AFF3: variants seen among roughly 807,000 people sequenced by gnomAD.
AFF3 encodes AF4/FMR2 family member 3.
A neutral mutation model predicts 129.7 loss-of-function variants in AFF3; 32 were observed. The observed-to-expected ratio is 0.25, with a 90% CI of 0.19 to 0.33. The LOEUF is 0.33. Among genes scored for constraint, AFF3 ranks in the 10% least tolerant of loss-of-function variants. The probability of loss-of-function intolerance (pLI) is 1.00; values close to 1 mark genes in which losing one functional copy is unlikely to be tolerated. For missense variants in AFF3, 1,373 were observed against 1,592.0 expected (o/e 0.86, Z 2.34); for synonymous variants, 644 against 635.4 (o/e 1.01, Z -0.20).
At chr2:99,865,363 G>A (rs1691314186) in intron 7 of AFF3, among the ~76,000 whole-genome samples, 1 of 152,228 alleles carries the variant, frequency 6.6e-6, no homozygotes, top group Non-Finnish European at 1.5e-5. Flanking sequence ...AGGCTCTAGA[G>A]ACAGAGAGTG....
chr2:99,737,800 C>T (rs751630892), intron 10 of AFF3, among the ~76,000 whole-genome samples: 5 of 151,944 alleles, frequency 3.3e-5, no homozygotes, highest in Non-Finnish European at 7.4e-5. Context: ...GACTTCCCCA[C>T]TTTATCTCCA....
At chr2:99,712,643 G>A (rs555415505) in intron 11 of AFF3, among the ~76,000 whole-genome samples, 6 of 152,326 alleles carry the variant, frequency 3.9e-5, no homozygotes, top group African/African-American at 1.2e-4. Flanking sequence ...TGATCTTTGC[G>A]ACACTTTTGC....
intron 7 of AFF3, among the ~76,000 whole-genome samples, chr2:99,839,899 C>T (rs1450133495): frequency 6.6e-6 from 1 of 152,168 alleles, no homozygotes; most frequent in Non-Finnish European, 1.5e-5. Flanking sequence ...CGTGAGCCAC[C>T]AGATCTGCAT....
chr2:99,914,486 A>C (rs1305321575), intron 7 of AFF3, among the ~76,000 whole-genome samples: 1 of 152,214 alleles, frequency 6.6e-6, no homozygotes, highest in Non-Finnish European at 1.5e-5. Context: ...CATTAGGACA[A>C]CGTGAGAAAT....
At chr2:100,137,367 C>T (rs1692677801) in intron 1 of AFF3, among the ~76,000 whole-genome samples, 1 of 152,184 alleles carries the variant, frequency 6.6e-6, no homozygotes, top group Non-Finnish European at 1.5e-5. Context: ...GACCATATGT[C>T]CTTTGATCTT....
chr2:99,652,923 G>T (rs942666025), intron 12 of AFF3, among the ~76,000 whole-genome samples: 5 of 152,304 alleles, frequency 3.3e-5, no homozygotes, highest in African/African-American at 9.6e-5. Flanking sequence ...TGAGGGAGCA[G>T]CGAGAGGCAG....
chr2:99,652,969 C>T (rs932088917), intron 12 of AFF3, among the ~76,000 whole-genome samples: 4 of 152,158 alleles, frequency 2.6e-5, no homozygotes, highest in Non-Finnish European at 5.9e-5. Flanking sequence ...CCCACGCAGA[C>T]ACCTCCAGGG....
intron 11 of AFF3, among the ~76,000 whole-genome samples, chr2:99,691,563 A>AT (rs1553431724): frequency 9.1e-6 from 1 of 110,298 alleles, no homozygotes; most frequent in Non-Finnish European, 2.0e-5. Flanking sequence ...AACCTAGAGA[A>AT]TTTTTTAGAG....
chr2:99,725,150 T>G (rs1679262779), intron 11 of AFF3, among the ~76,000 whole-genome samples: 1 of 151,734 alleles, frequency 6.6e-6, no homozygotes, highest in Non-Finnish European at 1.5e-5. Context: ...TTTTTTTGTA[T>G]TTTTGGTAGA....
intron 18 of AFF3, among the ~76,000 whole-genome samples, chr2:99,571,576 T>C (rs1676481061): frequency 6.6e-6 from 1 of 152,210 alleles, no homozygotes; most frequent in Non-Finnish European, 1.5e-5. Flanking sequence ...TCTGACCGTA[T>C]CAGAGCAGCT....
At chr2:99,639,168 T>C (rs1683953023) in intron 13 of AFF3, among the ~76,000 whole-genome samples, 1 of 152,224 alleles carries the variant, frequency 6.6e-6, no homozygotes, top group Non-Finnish European at 1.5e-5. Flanking sequence ...GCTCTCTTCT[T>C]CTATTGTGTA....
At chr2:100,076,442 A>G (rs764062880) in intron 4 of AFF3, among the ~76,000 whole-genome samples, 21 of 152,200 alleles carry the variant, frequency 1.4e-4, no homozygotes, top group Non-Finnish European at 2.9e-4. Flanking sequence ...TCACCCCAAC[A>G]TGGAAGGCAA....
chr2:99,783,956 G>T (rs1034534749), intron 8 of AFF3, among the ~76,000 whole-genome samples: 3 of 152,182 alleles, frequency 2.0e-5, no homozygotes, highest in African/African-American at 4.8e-5. Context: ...ATTGCCCGTT[G>T]CAAGTACTTT....
At chr2:99,599,060 A>C (rs3828315) in intron 14 of AFF3, among the ~76,000 whole-genome samples, 54,370 of 151,986 alleles carry the variant, frequency 0.36, 9,674 homozygotes, top group African/African-American at 0.38. Flanking sequence ...CACACATAGC[A>C]TCAGGTGACT....
In AFF3 at chr2:100,008,753, G is replaced by A. The variant is rs551780174; in HGVS notation, c.174+59C>T. 2.2e-4 allele frequency: 347 copies of A among 1,582,116 alleles called. No homozygotes were observed. The African/African-American group carries it at 3.2e-3, about 15-fold the overall frequency. On this transcript the variant is annotated intron_variant, in intron 5 of 24. Coordinates refer to ENST00000672756, the MANE Select transcript of AFF3 (RefSeq NM_001386135.1). ...GCCAATTCTTTTAGTCAAGGCCACC[G>A]TCACAGGGAGTGAGAGAAACAAGTG...
intron 4 of AFF3, among the ~76,000 whole-genome samples, chr2:100,077,469 T>C (rs967323341): frequency 2.0e-5 from 3 of 152,032 alleles, no homozygotes; most frequent in Admixed American, 2.0e-4. Flanking sequence ...CCCTAGATCC[T>C]CCAGAAGGAG....
chr2:99,937,130 T>C (rs1674594050), intron 7 of AFF3, among the ~76,000 whole-genome samples: 1 of 152,174 alleles, frequency 6.6e-6, no homozygotes, highest in Non-Finnish European at 1.5e-5. Context: ...CATTATAGAA[T>C]ACCGGTTGAG....
chr2:99,933,885 A>C (rs1674278637), intron 7 of AFF3, among the ~76,000 whole-genome samples: 1 of 152,154 alleles, frequency 6.6e-6, no homozygotes, highest in South Asian at 2.1e-4. Context: ...GTCCGGAGGT[A>C]GTTAAAAAGG....
intron 13 of AFF3, among the ~76,000 whole-genome samples, chr2:99,611,902 T>G: frequency 7.1e-6 from 1 of 140,822 alleles, no homozygotes; most frequent in South Asian, 2.4e-4. Flanking sequence ...AAAAAAAATT[T>G]ATTCTTGCTA....
Sources: gnomAD v4.1 joint callset for allele counts (sites outside exome capture counted in the v4.1 genomes callset) on GRCh38, gnomAD v4.1.1 for gene constraint, MANE v1.5 for transcripts, NCBI Gene and HGNC (gene_info 2026-07-23, HGNC 2026-07-21) for gene names.